RERE: variants seen among roughly 807,000 people sequenced by gnomAD.
RERE encodes the protein arginine-glutamic acid dipeptide repeats protein.
RERE carries 40 observed loss-of-function variants against 146.1 expected under a neutral mutation model. The observed-to-expected ratio is 0.27, with a 90% CI of 0.21 to 0.36. The LOEUF (loss-of-function observed/expected upper bound fraction) is 0.36. Among genes scored for constraint, RERE ranks in the 10% least tolerant of loss-of-function variants. The pLI is 1.00. For missense variants in RERE, 1,933 were observed against 2,138.7 expected (o/e 0.90, Z 1.90); for synonymous variants, 1,003 against 866.0 (o/e 1.16, Z -2.78).
chr1:8,416,598 A>AAAAAAG lies in RERE; in HGVS notation c.1284+6128_1284+6129insCTTTTT, dbSNP rs1419532157. ...GAGACTCCATCTCCAAAAAAAAAAA[A>AAAAAAG]AAAAGAAAAGAAAAGAAAAGAAAAG... is the stretch of plus-strand genomic sequence containing the variant. On this transcript the variant is annotated intron_variant, in intron 12 of 22. Coordinates refer to ENST00000400908, the MANE Select transcript of RERE (RefSeq NM_001042681.2). Among the ~76,000 whole-genome samples the AAAAAAG allele has an allele frequency of 2.6e-3, 388 of 147,636 alleles. 3 individuals are homozygous for AAAAAAG. In the East Asian group the frequency reaches 0.04, roughly 15 times the overall value.
intron 2 of RERE, among the ~76,000 whole-genome samples, chr1:8,626,217 T>C (rs1478956684): frequency 6.6e-6 from 1 of 152,198 alleles, no homozygotes; most frequent in Non-Finnish European, 1.5e-5. Context: ...ATAAAAACTG[T>C]AGCTCCAAAT....
chr1:8,596,328 C>T (rs1353445908), intron 4 of RERE, among the ~76,000 whole-genome samples: 1 of 152,206 alleles, frequency 6.6e-6, no homozygotes, highest in East Asian at 1.9e-4. Context: ...GCTGTGTATA[C>T]ACATGTAGTC....
chr1:8,605,041 T>A (rs1285821690), intron 4 of RERE, among the ~76,000 whole-genome samples: 1 of 152,220 alleles, frequency 6.6e-6, no homozygotes, highest in Non-Finnish European at 1.5e-5. Flanking sequence ...CGAAATCTCT[T>A]GTCAGTCAAT....
chr1:8,477,242 C>A (rs11800487), intron 10 of RERE, among the ~76,000 whole-genome samples: 2,769 of 152,168 alleles, frequency 0.018, 88 homozygotes, highest in African/African-American at 0.062. Context: ...GGCTGCTTGC[C>A]GGGGCAGGAG....
intron 1 of RERE, among the ~76,000 whole-genome samples, chr1:8,739,203 A>G (rs1640260302): frequency 6.6e-6 from 1 of 152,236 alleles, no homozygotes; most frequent in African/African-American, 2.4e-5. Context: ...ATTATGTAAC[A>G]CAACATATAA....
chr1:8,733,320 C>T (rs940779436), intron 1 of RERE, among the ~76,000 whole-genome samples: 5 of 152,194 alleles, frequency 3.3e-5, no homozygotes, highest in Non-Finnish European at 5.9e-5. Context: ...CACTGGGCTA[C>T]GGCTCCTTTT....
intron 1 of RERE, among the ~76,000 whole-genome samples, chr1:8,701,409 A>G (rs1480671047): frequency 1.3e-5 from 2 of 152,138 alleles, no homozygotes; most frequent in Non-Finnish European, 2.9e-5. Context: ...CGCTATAAAA[A>G]CACACACACA....
intron 2 of RERE, among the ~76,000 whole-genome samples, chr1:8,647,290 T>C (rs750696898): frequency 3.3e-4 from 50 of 152,266 alleles, no homozygotes; most frequent in Non-Finnish European, 6.8e-4. Flanking sequence ...ATTGTGCAGA[T>C]AGGCAACTAG....
chr1:8,371,116 G>A (rs1208743515), intron 12 of RERE, among the ~76,000 whole-genome samples: 1 of 152,216 alleles, frequency 6.6e-6, no homozygotes, highest in African/African-American at 2.4e-5. Context: ...GAAAGGAAGA[G>A]GGCGAAGTCA....
At chr1:8,720,038 G>C (rs982231641) in intron 1 of RERE, among the ~76,000 whole-genome samples, 3 of 151,898 alleles carry the variant, frequency 2.0e-5, no homozygotes, top group African/African-American at 7.3e-5. Flanking sequence ...GGCTGAGGCG[G>C]GCAAATCATG....
At chr1:8,719,972 T>A (rs993801782) in intron 1 of RERE, among the ~76,000 whole-genome samples, 1 of 152,050 alleles carries the variant, frequency 6.6e-6, no homozygotes, top group African/African-American at 2.4e-5. Context: ...CCTGAATAAT[T>A]TACTCACTCA....
intron 1 of RERE, among the ~76,000 whole-genome samples, chr1:8,673,815 G>A (rs562896953): frequency 7.2e-5 from 11 of 152,296 alleles, no homozygotes; most frequent in African/African-American, 2.6e-4. Context: ...AGCCAAGGCA[G>A]GTAGATCACT....
intron 12 of RERE, among the ~76,000 whole-genome samples, chr1:8,392,885 C>G (rs574018282): frequency 6.6e-6 from 1 of 152,120 alleles, no homozygotes; most frequent in Non-Finnish European, 1.5e-5. Context: ...GCAGAGAACA[C>G]GATGTGCATT....
At chr1:8,546,763 G>A (rs564204137) in intron 6 of RERE, among the ~76,000 whole-genome samples, 1 of 151,668 alleles carries the variant, frequency 6.6e-6, no homozygotes, top group Admixed American at 6.6e-5. Flanking sequence ...CAGGAGAATC[G>A]TTTGAACCTG....
At chr1:8,703,801 C>T (rs1639509548) in intron 1 of RERE, among the ~76,000 whole-genome samples, 1 of 152,192 alleles carries the variant, frequency 6.6e-6, no homozygotes, top group Non-Finnish European at 1.5e-5. Flanking sequence ...GCAGATGAAA[C>T]AACCAACAAT....
At chr1:8,652,821 C>A (rs1032488259) in intron 2 of RERE, among the ~76,000 whole-genome samples, 1 of 152,176 alleles carries the variant, frequency 6.6e-6, no homozygotes, top group African/African-American at 2.4e-5. Context: ...TGAGGACACA[C>A]AGCCAAATCA....
At chr1:8,800,331 G>C (rs1043682489) in intron 1 of RERE, among the ~76,000 whole-genome samples, 1 of 151,590 alleles carries the variant, frequency 6.6e-6, no homozygotes, top group Non-Finnish European at 1.5e-5. Flanking sequence ...AAATTTTATA[G>C]CATGTGACCA....
chr1:8,798,890 C>T (rs1362257133), intron 1 of RERE, among the ~76,000 whole-genome samples: 2 of 151,956 alleles, frequency 1.3e-5, no homozygotes, highest in African/African-American at 4.8e-5. Context: ...TGGGGTTTCA[C>T]CATCTTGGCC....
intron 7 of RERE, among the ~76,000 whole-genome samples, chr1:8,521,081 A>G (rs1346337835): frequency 6.6e-6 from 1 of 151,358 alleles, no homozygotes; most frequent in Non-Finnish European, 1.5e-5. Context: ...ACACACACAC[A>G]TGCACCTAGT....
Sources: gnomAD v4.1 joint callset for allele counts (sites outside exome capture counted in the v4.1 genomes callset) on GRCh38, gnomAD v4.1.1 for gene constraint, MANE v1.5 for transcripts, NCBI Gene and HGNC (gene_info 2026-07-23, HGNC 2026-07-21) for gene names.